Variants in BMPER observed in about 807,000 individuals in gnomAD.
BMPER encodes the protein BMP binding endothelial regulator.
Under a neutral mutation model 87.3 loss-of-function variants are expected in BMPER, and 45 were observed. That is an observed-to-expected ratio of 0.52 (90% confidence interval 0.41 to 0.66). The LOEUF is 0.66. BMPER is among the 30% of genes least tolerant of loss of function. The probability of loss-of-function intolerance (pLI) is 0.00; values close to 1 mark genes in which losing one functional copy is unlikely to be tolerated. For missense variants in BMPER, 784 were observed against 867.5 expected, an observed-to-expected ratio of 0.90 and a Z score of 1.21; for synonymous variants, 326 against 316.2, an observed-to-expected ratio of 1.03 and a Z score of -0.33.
intron 5 of BMPER, among the ~76,000 whole-genome samples, chr7:33,971,250 G>A (rs987030203): frequency 2.6e-5 from 4 of 151,908 alleles, no homozygotes; most frequent in South Asian, 2.1e-4. Flanking sequence ...ACCACTGGAC[G>A]CTCTGCAGAG....
At chr7:34,004,529 G>A (rs1786673963) in intron 6 of BMPER, among the ~76,000 whole-genome samples, 1 of 152,018 alleles carries the variant, frequency 6.6e-6, no homozygotes, top group South Asian at 2.1e-4. Flanking sequence ...TAGCAAGTCT[G>A]AAAAATTGTA....
At chr7:34,030,736 C>T (rs1422003488) in intron 6 of BMPER, among the ~76,000 whole-genome samples, 2 of 151,878 alleles carry the variant, frequency 1.3e-5, no homozygotes. Context: ...GATCCTCCCA[C>T]CTGAGGCTAC....
In BMPER at chr7:34,006,023, G is replaced by A. The variant is rs182319065; in HGVS notation, c.576+31239G>A. Among the ~76,000 whole-genome samples, 1,462 of 151,762 alleles carry A rather than the reference G, an allele frequency of 9.6e-3. 15 individuals carry two copies. Among genetic ancestry groups the A allele is most frequent in the South Asian group, 0.021 (103 of 4,804 alleles). On this transcript the variant is annotated intron_variant, in intron 6 of 14. Coordinates refer to ENST00000649409, the MANE Select transcript of BMPER (RefSeq NM_001365308.1). ...CACAAAGATTCTCTTCATTTACATT[G>A]TAGCCATTATTTGTAAAGGGGTATT...
chr7:33,912,508 A>C (rs1467216776), intron 2 of BMPER, among the ~76,000 whole-genome samples: 1 of 152,192 alleles, frequency 6.6e-6, no homozygotes, highest in East Asian at 1.9e-4. Context: ...GAGGAAAGAG[A>C]GCCCTTCCCC....
intron 6 of BMPER, among the ~76,000 whole-genome samples, chr7:34,013,920 CCTT>C (rs1273674287): frequency 6.6e-6 from 1 of 151,914 alleles, no homozygotes; most frequent in Admixed American, 6.6e-5. Context: ...CTAATCATGT[CCTT>C]CTTCTGCTTA....
intron 6 of BMPER, among the ~76,000 whole-genome samples, chr7:33,986,926 G>A (rs868815422): frequency 6.6e-6 from 1 of 151,982 alleles, no homozygotes; most frequent in African/African-American, 2.4e-5. Context: ...TCCTTTGTTT[G>A]TTTGTGCTTC....
intron 6 of BMPER, among the ~76,000 whole-genome samples, chr7:33,998,076 G>A (rs1480551052): frequency 6.6e-6 from 1 of 152,102 alleles, no homozygotes; most frequent in Admixed American, 6.5e-5. Context: ...GTTCATTGCT[G>A]TATCTCCACG....
At chr7:34,020,606 A>C (rs1787153653) in intron 6 of BMPER, among the ~76,000 whole-genome samples, 1 of 151,946 alleles carries the variant, frequency 6.6e-6, no homozygotes, top group African/African-American at 2.4e-5. Context: ...TCTAATGTAC[A>C]TGGTTTGTGG....
chr7:33,935,372 T>C (rs1413993996), intron 2 of BMPER, among the ~76,000 whole-genome samples: 1 of 152,096 alleles, frequency 6.6e-6, no homozygotes, highest in Non-Finnish European at 1.5e-5. Context: ...TGGAATTACC[T>C]GGGAGCTTGA....
Position 34,046,383 on chromosome 7 carries a change from A to G in BMPER, c.654A>G (p.Gly218=), listed in dbSNP as rs1451404676. 3 of 1,614,020 alleles carry G rather than the reference A, an allele frequency of 1.9e-6. No homozygotes were observed. The highest frequency in any genetic ancestry group is 2.7e-5 in the African/African-American group (2 of 75,042). Residue 218 remains glycine (G), a synonymous_variant, in exon 7 of 15, where the codon GGA becomes GGG. Transcript: ENST00000649409. Reference sequence around the variant, plus strand: ...AGCACCTTAGTCACATACCCCCAGGACAGTGCTGCCCCAAATGTTTGGGTG... The same window carrying G: ...AGCACCTTAGTCACATACCCCCAGGGCAGTGCTGCCCCAAATGTTTGGGTG... ...CPQHLSHIPP[G]QCCPKCLGQR... is the part of the protein sequence containing the mutation.
At chr7:34,119,485 G>A (rs1250543452) in intron 13 of BMPER, among the ~76,000 whole-genome samples, 2 of 152,152 alleles carry the variant, frequency 1.3e-5, no homozygotes, top group Non-Finnish European at 2.9e-5. Context: ...GTTCTCTACT[G>A]TTGGACCTAT....
chr7:34,123,198 A>G (rs1480627353), intron 13 of BMPER, among the ~76,000 whole-genome samples: 2 of 152,202 alleles, frequency 1.3e-5, no homozygotes, highest in Admixed American at 6.5e-5. Context: ...TGGAAAAGCT[A>G]TTTAGATGGT....
At chr7:33,974,944 G>A (rs1785647619) in intron 6 of BMPER, among the ~76,000 whole-genome samples, 160 bp downstream of exon 6, 1 of 152,120 alleles carries the variant, frequency 6.6e-6, no homozygotes, top group African/African-American at 2.4e-5. Context: ...CATCCACCTG[G>A]CTCAGCACTA....
At position 34,091,602 on chromosome 7, in the gene BMPER, G is replaced by C. The variant is rs60462206; in HGVS notation, c.1745+5510G>C. On this transcript the variant is annotated intron_variant, in intron 13 of 14. Coordinates refer to ENST00000649409, the MANE Select transcript of BMPER (RefSeq NM_001365308.1). The stretch of plus-strand genomic sequence containing the variant: ...AATTCACCGTGTCTACAAACACAAT[G>C]AACATCCCTGCCTCTGAGTTCATGT... 2.5e-3 allele frequency among the ~76,000 whole-genome samples: 374 copies of C among 152,260 alleles called. 1 individual carries two copies. The highest frequency in any genetic ancestry group is 8.4e-3 in the African/African-American group (348 of 41,532).
rs1373511919 is a variant in BMPER, at chr7:34,038,114, G to A, written c.577-8192G>A. ...GTCCTAATCTCCAAAACCTGTGAAG[G>A]TGACCTTACATGGCACAAGAGACTT... On this transcript the variant is annotated intron_variant, in intron 6 of 14. Transcript: ENST00000649409. Among the ~76,000 whole-genome samples the A allele has an allele frequency of 2.0e-5, 3 of 152,178 alleles. No individual in the cohort carries two copies. The East Asian group carries it at 5.8e-4, about 29-fold the overall frequency.
At chr7:33,928,620 G>A (rs544939532) in intron 2 of BMPER, among the ~76,000 whole-genome samples, 11 of 119,550 alleles carry the variant, frequency 9.2e-5, no homozygotes, top group Admixed American at 4.1e-4. Flanking sequence ...TCTTTGTTCC[G>A]TGAGTTTCTT....
At chr7:34,148,764 A>G (rs1020147098) in intron 14 of BMPER, among the ~76,000 whole-genome samples, 4 of 152,206 alleles carry the variant, frequency 2.6e-5, no homozygotes, top group South Asian at 2.1e-4. Flanking sequence ...GAGAGAGGAA[A>G]AAACATGGGA....
chr7:34,048,175 G>A (rs375246805), intron 7 of BMPER, among the ~76,000 whole-genome samples: 4 of 151,678 alleles, frequency 2.6e-5, no homozygotes, highest in Non-Finnish European at 5.9e-5. Context: ...TATTTTTCTC[G>A]TTCCCAAATT....
At chr7:33,962,195 A>G (rs1432887385) in intron 3 of BMPER, among the ~76,000 whole-genome samples, 3 of 152,214 alleles carry the variant, frequency 2.0e-5, no homozygotes, top group Non-Finnish European at 4.4e-5. Flanking sequence ...TGTGGATTCA[A>G]TTAATTTGTG....
Sources: allele counts gnomAD v4.1 joint callset (sites outside exome capture counted in the v4.1 genomes callset), GRCh38; gene constraint gnomAD v4.1.1; transcripts MANE v1.5; gene names NCBI Gene and HGNC (gene_info 2026-07-23, HGNC 2026-07-21).